The following CPED1 variants were observed in gnomAD, a reference collection of about 807,000 sequenced individuals.
CPED1 encodes cadherin-like and PC-esterase domain-containing protein 1.
A neutral mutation model predicts 128.2 loss-of-function variants in CPED1; 114 were observed. That is an observed-to-expected ratio of 0.89 (90% CI 0.76 to 1.04). CPED1 has a LOEUF of 1.04. Ranked by LOEUF, CPED1 falls within the 50% of genes least tolerant of loss-of-function variation. The pLI is 0.00. For missense variants in CPED1, 1,211 were observed against 1,207.1 expected (o/e 1.00, Z -0.05); for synonymous variants, 462 against 426.7 (o/e 1.08, Z -1.02).
intron 16 of CPED1, among the ~76,000 whole-genome samples, chr7:121,193,700 T>C (rs1797198729): frequency 6.6e-6 from 1 of 152,070 alleles, no homozygotes; most frequent in Non-Finnish European, 1.5e-5. Context: ...ATAACCCCAC[T>C]ATGTAAGTGT....
chr7:120,995,932 TCC>T (rs1460763894), intron 2 of CPED1, among the ~76,000 whole-genome samples: 11 of 139,990 alleles, frequency 7.9e-5, no homozygotes, highest in Non-Finnish European at 1.1e-4. Context: ...CTCCTCCTTC[TCC>T]TCCTCCTTCT....
At chr7:121,023,411 G>A (rs1415715821) in intron 3 of CPED1, among the ~76,000 whole-genome samples, 1 of 152,164 alleles carries the variant, frequency 6.6e-6, no homozygotes, top group Non-Finnish European at 1.5e-5. Flanking sequence ...CAAAAAGTAG[G>A]AAGTTTGGTT....
At chr7:121,051,974 C>T (rs920337966) in intron 4 of CPED1, 1 of 151,798 alleles carries the variant, frequency 6.6e-6, no homozygotes, top group Non-Finnish European at 1.5e-5. Flanking sequence ...TGTACTGATC[C>T]ACATCCAATA....
intron 2 of CPED1, among the ~76,000 whole-genome samples, chr7:120,992,497 A>G (rs1395298363): frequency 6.6e-6 from 1 of 152,202 alleles, no homozygotes; most frequent in Non-Finnish European, 1.5e-5. Flanking sequence ...ATTCAGAACT[A>G]AAAACATGCT....
chr7:121,266,258 G>A lies in CPED1; in HGVS notation c.2342G>A (p.Gly781Glu). 1 of 1,612,750 alleles carries A rather than the reference G, an allele frequency of 6.2e-7. No individual in the cohort carries two copies. The highest frequency in any genetic ancestry group is 8.5e-7 in the Non-Finnish European group (1 of 1,179,146). ...TTCATTGGAGATTCAACCAACAGAG[G>A]GATCATGTACTATCTTATTGAAAGG... ...ILFIGDSTNR[G>E]IMYYLIERLN... The change falls in exon 19 of 23, where the codon GGG (glycine) becomes GAG (glutamate). Residue 781 changes from glycine to glutamate, a missense_variant. Gly to Glu is a moderately conservative substitution (Grantham distance 98). Coordinates refer to ENST00000310396, the MANE Select transcript of CPED1 (RefSeq NM_024913.5).
chr7:121,281,490 C>T (rs1792461147), intron 22 of CPED1, among the ~76,000 whole-genome samples: 1 of 152,122 alleles, frequency 6.6e-6, no homozygotes, highest in African/African-American at 2.4e-5. Context: ...TCTGTACCCA[C>T]GTTTTTAATG....
intron 12 of CPED1, among the ~76,000 whole-genome samples, chr7:121,132,076 T>G (rs865825182): frequency 6.6e-6 from 1 of 152,150 alleles, no homozygotes; most frequent in Admixed American, 6.6e-5. Context: ...GCTAATTTCA[T>G]TTGCATTCAA....
chr7:121,060,937 C>T (rs183615740), intron 4 of CPED1, among the ~76,000 whole-genome samples: 1,930 of 152,218 alleles, frequency 0.013, 24 homozygotes, highest in Middle Eastern at 0.024. Flanking sequence ...AGCGAGACCA[C>T]GAGCCCCCCG....
At chr7:121,023,140 C>T (rs1990509) in intron 3 of CPED1, among the ~76,000 whole-genome samples, 6 of 152,006 alleles carry the variant, frequency 3.9e-5, no homozygotes, top group East Asian at 1.9e-4. Flanking sequence ...GAATTATTTA[C>T]GTATACTTCA....
At chr7:121,148,055 G>C (rs558346515) in intron 16 of CPED1, among the ~76,000 whole-genome samples, 1 of 152,068 alleles carries the variant, frequency 6.6e-6, no homozygotes, top group Non-Finnish European at 1.5e-5. Flanking sequence ...AATAGGGAGT[G>C]CATTTATCAG....
At chr7:121,172,688 A>AGATAGATAGATG (rs1796680276) in intron 16 of CPED1, among the ~76,000 whole-genome samples, 1 of 151,962 alleles carries the variant, frequency 6.6e-6, no homozygotes, top group Non-Finnish European at 1.5e-5. Flanking sequence ...ATAGATAGAT[A>AGATAGATAGATG]GATAGATAGA....
rs35927183 is a variant in CPED1 at position 121,295,140 on chromosome 7, AACACAC to A, written c.2869-270_2869-265del. ...TGTATGTCAGTGTGCCTGGCCTGAA[AACACAC>A]ACACACACACACACACACACACACA... is the stretch of plus-strand genomic sequence containing the variant. On this transcript the variant is annotated intron_variant, in intron 22 of 22. Transcript: ENST00000310396. 1.5e-3 allele frequency among the ~76,000 whole-genome samples: 216 copies of A among 145,862 alleles called. 2 individuals are homozygous for A. Among genetic ancestry groups the A allele is most frequent in the Admixed American group, 2.2e-3 (32 of 14,710 alleles).
chr7:121,091,333 G>T (rs1402932287), intron 5 of CPED1, among the ~76,000 whole-genome samples: 1 of 152,168 alleles, frequency 6.6e-6, no homozygotes, highest in Admixed American at 6.5e-5. Flanking sequence ...AAAACATAGT[G>T]TGTCTTTACA....
chr7:121,246,277 A>G (rs897616368), intron 18 of CPED1, among the ~76,000 whole-genome samples: 9 of 152,234 alleles, frequency 5.9e-5, no homozygotes, highest in Non-Finnish European at 1.0e-4. Flanking sequence ...TCTGTAAAAT[A>G]ACCCTCTGTG....
At chr7:121,279,471 C>CAATA (rs763319933) in intron 22 of CPED1, among the ~76,000 whole-genome samples, 1 of 124,182 alleles carries the variant, frequency 8.1e-6, no homozygotes. Context: ...AAAGAAAAAA[C>CAATA]AGAATAACTC....
At chr7:121,073,003 T>C (rs1437631004) in intron 5 of CPED1, among the ~76,000 whole-genome samples, 1 of 152,118 alleles carries the variant, frequency 6.6e-6, no homozygotes, top group African/African-American at 2.4e-5. Context: ...TGTTGCACAG[T>C]TGACCCTTGA....
chr7:121,037,616 G>T lies in CPED1; in HGVS notation c.434-9271G>T, dbSNP rs558600422. Among the ~76,000 whole-genome samples the T allele has an allele frequency of 2.6e-5, 4 of 152,094 alleles. No homozygotes were observed. The East Asian group carries it at 5.8e-4, about 22-fold the overall frequency. On this transcript the variant is annotated intron_variant, in intron 3 of 22. Coordinates refer to ENST00000310396, the MANE Select transcript of CPED1 (RefSeq NM_024913.5). ...CTTTTTGCAGTCTTGCTTTGGCTATGTGGCTCCTTTTTGGTTCCATATGAA... is the reference window on the plus strand; with the variant it reads ...CTTTTTGCAGTCTTGCTTTGGCTATTTGGCTCCTTTTTGGTTCCATATGAA...
At chr7:121,227,342 G>T (rs1236363511) in intron 16 of CPED1, among the ~76,000 whole-genome samples, 1 of 151,988 alleles carries the variant, frequency 6.6e-6, no homozygotes, top group African/African-American at 2.4e-5. Flanking sequence ...ACATGCTGAG[G>T]ACTCTGACAA....
At chr7:121,273,626 A>G (rs911953712) in intron 22 of CPED1, among the ~76,000 whole-genome samples, 1 of 152,142 alleles carries the variant, frequency 6.6e-6, no homozygotes, top group African/African-American at 2.4e-5. Context: ...GTGGATTTAC[A>G]TTATCCTTTA....
Sources: allele counts gnomAD v4.1 joint callset (sites outside exome capture counted in the v4.1 genomes callset), GRCh38; gene constraint gnomAD v4.1.1; transcripts MANE v1.5; gene names NCBI Gene and HGNC (gene_info 2026-07-23, HGNC 2026-07-21).